The following PSMG4 variants were observed in gnomAD, a reference collection of about 807,000 sequenced individuals.
The protein encoded by PSMG4 is proteasome (prosome, macropain) assembly chaperone 4.
PSMG4 carries 10 observed loss-of-function variants against 11.0 expected under a neutral mutation model. That is an observed-to-expected ratio of 0.91 (90% CI 0.56 to 1.54). The LOEUF (loss-of-function observed/expected upper bound fraction) is 1.54. Ranked by LOEUF, PSMG4 falls within the 40% of genes most tolerant of loss-of-function variation. The pLI, the probability that PSMG4 is intolerant of heterozygous loss-of-function variation, is 0.00. For synonymous variants in PSMG4, 95 were observed against 71.3 expected, an observed-to-expected ratio of 1.33 and a Z score of -1.68; for missense variants, 198 against 160.9, an observed-to-expected ratio of 1.23 and a Z score of -1.25.
chr6:3,254,928 T>C (rs537411850), upstream of PSMG4: 4 of 1,110,642 alleles, frequency 3.6e-6, no homozygotes, highest in Admixed American at 2.7e-5. Context: ...CTTCAGCCAT[T>C]CTCTCACTGG....
upstream of PSMG4, among the ~76,000 whole-genome samples, chr6:3,254,818 C>A (rs554425125): frequency 1.3e-5 from 2 of 152,206 alleles, no homozygotes; most frequent in African/African-American, 2.4e-5. Flanking sequence ...GACACCAATT[C>A]TGGACACAGT....
chr6:3,267,469 C>CT, intron 2 of PSMG4, 122 bp from the exon 3 acceptor site: 2 of 1,138,564 alleles, frequency 1.8e-6, no homozygotes, highest in Non-Finnish European at 2.4e-6. Flanking sequence ...GAGATTAGAG[C>CT]TTTCTTTTCT....
intron 1 of PSMG4, among the ~76,000 whole-genome samples, chr6:3,260,938 C>G (rs1030863677): frequency 6.6e-6 from 1 of 152,228 alleles, no homozygotes; most frequent in Non-Finnish European, 1.5e-5. Context: ...GCTGGCCTCC[C>G]AGCCGCATTA....
At chr6:3,259,345 G>C (rs1278238458) in intron 1 of PSMG4, 149 bp downstream of exon 1, 1 of 728,910 alleles carries the variant, frequency 1.4e-6, no homozygotes, top group Non-Finnish European at 1.9e-6. Flanking sequence ...TAGGAAGCCC[G>C]CGGGCGCCAG....
At chr6:3,256,032 T>G (rs1757750694), upstream of PSMG4, among the ~76,000 whole-genome samples, 1 of 152,234 alleles carries the variant, frequency 6.6e-6, no homozygotes, top group South Asian at 2.1e-4. Context: ...TAGAAGTCAA[T>G]TGCCATCTTC....
upstream of PSMG4, chr6:3,255,263 C>G: frequency 6.5e-7 from 1 of 1,546,086 alleles, no homozygotes. Context: ...TCTGTGTTAC[C>G]ACGGCTGTCT....
At chr6:3,255,292 C>G (rs142632842), upstream of PSMG4, 3 of 1,528,846 alleles carry the variant, frequency 2.0e-6, no homozygotes, top group Non-Finnish European at 2.6e-6. Flanking sequence ...TATCGGTGCC[C>G]ATCCTGGGAG....
At chr6:3,255,492 A>G (rs1163539964), upstream of PSMG4, among the ~76,000 whole-genome samples, 1 of 152,142 alleles carries the variant, frequency 6.6e-6, no homozygotes, top group East Asian at 1.9e-4. Flanking sequence ...AAAGGTACCT[A>G]AACTGCCTGG....
intron 1 of PSMG4, among the ~76,000 whole-genome samples, chr6:3,261,628 C>T (rs1229760871): frequency 6.6e-6 from 1 of 152,190 alleles, no homozygotes; most frequent in Non-Finnish European, 1.5e-5. Context: ...AAGTCCAGTC[C>T]CTCTCACTGG....
upstream of PSMG4, among the ~76,000 whole-genome samples, chr6:3,254,579 C>G (rs894512819): frequency 2.0e-5 from 3 of 151,786 alleles, no homozygotes; most frequent in African/African-American, 7.3e-5. Flanking sequence ...AGGCTGGGAA[C>G]CCAACGATGG....
At chr6:3,258,871 G>A (rs2127255766), upstream of PSMG4, 2 of 709,566 alleles carry the variant, frequency 2.8e-6, no homozygotes, top group Non-Finnish European at 2.0e-6. Context: ...GCCCGGGATC[G>A]CCCCTCCCCG....
At chr6:3,254,492 GT>G (rs1183857436), upstream of PSMG4, among the ~76,000 whole-genome samples, 11 of 151,920 alleles carry the variant, frequency 7.2e-5, no homozygotes, top group African/African-American at 2.7e-4. Flanking sequence ...GTTGCTGGTG[GT>G]TTTTTGTGTA....
chr6:3,260,291 A>ATATTTTTTTTTTT, intron 1 of PSMG4, among the ~76,000 whole-genome samples: 26 of 70,866 alleles, frequency 3.7e-4, no homozygotes, highest in South Asian at 5.9e-4. Flanking sequence ...ATATATATAT[A>ATATTTTTTTTTTT]TTTTTTTTTT....
At position 3,259,168 on chromosome 6, in the gene PSMG4, A is replaced by G; in HGVS notation, c.146A>G (p.Asn49Ser). 1 of 1,305,032 alleles carries G rather than the reference A, an allele frequency of 7.7e-7. No individual in the cohort carries two copies. The highest frequency in any genetic ancestry group is 9.7e-7 in the Non-Finnish European group (1 of 1,027,524). 80.8% of individuals were successfully genotyped at this position (1,305,032 alleles called of 1,614,324 possible). A position where few individuals can be genotyped will look rare whatever the true frequency, so the allele number is the denominator to read the frequency against. Residue 49 changes from asparagine (N) to serine (S), a missense_variant, in exon 1 of 3, where the codon AAC (asparagine) becomes AGC (serine). Physicochemically the swap from Asn to Ser is conservative, Grantham distance 46. Transcript: ENST00000438998. ...LWVGATPHLR[N>S]LAVAMCSRYD... is the part of the protein sequence containing the mutation. ...GTGGGGGCCACGCCGCACCTGCGCA[A>G]CCTCGCCGTGGCCATGTGCAGCCGC...
At chr6:3,255,497 G>A (rs1400128334), upstream of PSMG4, among the ~76,000 whole-genome samples, 2 of 152,062 alleles carry the variant, frequency 1.3e-5, no homozygotes, top group South Asian at 2.1e-4. Flanking sequence ...TACCTAAACT[G>A]CCTGGCCAGG....
At chr6:3,260,748 C>A (rs1757960998) in intron 1 of PSMG4, among the ~76,000 whole-genome samples, 1 of 152,198 alleles carries the variant, frequency 6.6e-6, no homozygotes, top group Non-Finnish European at 1.5e-5. Context: ...AGACACAATT[C>A]AGGCCACAAC....
chr6:3,265,679 G>A (rs554723826), intron 2 of PSMG4: 11 of 152,350 alleles, frequency 7.2e-5, no homozygotes, highest in Admixed American at 4.6e-4. Context: ...CTCTACATGA[G>A]TGGTCCCAGC....
At chr6:3,266,818 T>G (rs1334135807) in intron 2 of PSMG4, 3 of 148,526 alleles carry the variant, frequency 2.0e-5, no homozygotes, top group African/African-American at 4.9e-5. Context: ...CTGGTTGGGG[T>G]GGGGTGGTGC....
intron 2 of PSMG4, chr6:3,264,505 G>C: frequency 2.5e-6 from 3 of 1,207,036 alleles, no homozygotes; most frequent in Non-Finnish European, 3.4e-6. Context: ...CTCTGTGTCA[G>C]TCACACTGAG....
Sources: allele counts gnomAD v4.1 joint callset (sites outside exome capture counted in the v4.1 genomes callset), GRCh38; gene constraint gnomAD v4.1.1; transcripts MANE v1.5; gene names NCBI Gene and HGNC (gene_info 2026-07-23, HGNC 2026-07-21).